Variants in DLG2 observed in about 807,000 individuals in gnomAD.
DLG2 encodes the protein disks large homolog 2.
In DLG2, 45 loss-of-function variants were observed where a neutral mutation model predicts 132.5. The observed-to-expected ratio is 0.34, with a 90% CI of 0.27 to 0.44. The LOEUF (loss-of-function observed/expected upper bound fraction) is 0.44. DLG2 is among the 20% of genes least tolerant of loss of function. The pLI is 1.00. For synonymous variants in DLG2, 424 were observed against 419.6 expected, an observed-to-expected ratio of 1.01 and a Z score of -0.13; for missense variants, 1,045 against 1,196.9, an observed-to-expected ratio of 0.87 and a Z score of 1.87.
At chr11:85,137,624 C>T (rs2076212593) in intron 5 of DLG2, among the ~76,000 whole-genome samples, 1 of 152,116 alleles carries the variant, frequency 6.6e-6, no homozygotes, top group Non-Finnish European at 1.5e-5. Context: ...TCTCTGGGTT[C>T]CTATCTGACA....
At chr11:83,658,681 C>T (rs1018365722) in intron 18 of DLG2, among the ~76,000 whole-genome samples, 1 of 152,214 alleles carries the variant, frequency 6.6e-6, no homozygotes, top group African/African-American at 2.4e-5. Context: ...ACTGCTTGAG[C>T]AATGTAACAA....
At position 84,280,822 on chromosome 11, in the gene DLG2, C is replaced by T. The variant is rs2097846354; in HGVS notation, c.520-29531G>A. ...ACGCCATTCTCCTGCCTCAGCCTCC[C>T]GAGTAGTAGCTGGAACTAGAGGCGC... On this transcript the variant is annotated intron_variant, in intron 7 of 27. Transcript: ENST00000376104. Among the ~76,000 whole-genome samples, 5 of 150,292 alleles carry T rather than the reference C, an allele frequency of 3.3e-5. No homozygotes were observed. The South Asian group carries it at 8.4e-4, about 25-fold the overall frequency.
At chr11:84,575,929 A>C (rs1222645753) in intron 6 of DLG2, among the ~76,000 whole-genome samples, 1 of 152,094 alleles carries the variant, frequency 6.6e-6, no homozygotes, top group East Asian at 1.9e-4. Flanking sequence ...CTCAAGCTTC[A>C]CTCTAATCTA....
chr11:83,850,347 G>C (rs904268061), intron 16 of DLG2, among the ~76,000 whole-genome samples: 1 of 152,044 alleles, frequency 6.6e-6, no homozygotes, highest in Non-Finnish European at 1.5e-5. Context: ...TAGAGATGGG[G>C]TTTCACCGTG....
At chr11:84,141,229 C>T (rs2094830971) in intron 9 of DLG2, among the ~76,000 whole-genome samples, 1 of 151,886 alleles carries the variant, frequency 6.6e-6, no homozygotes, top group Non-Finnish European at 1.5e-5. Context: ...ACCTACCTAC[C>T]TATCCATCCA....
At chr11:85,538,554 A>T (rs1337470608) in intron 3 of DLG2, among the ~76,000 whole-genome samples, 1 of 151,958 alleles carries the variant, frequency 6.6e-6, no homozygotes, top group African/African-American at 2.4e-5. Context: ...TGTCCATTGC[A>T]GCACTTTTCA....
chr11:84,454,134 T>G (rs1207357256), intron 7 of DLG2, among the ~76,000 whole-genome samples: 3 of 151,546 alleles, frequency 2.0e-5, no homozygotes, highest in African/African-American at 7.3e-5. Context: ...GTGTCCCATC[T>G]GCACAGTCTC....
At chr11:85,456,790 T>G (rs1374968574) in intron 3 of DLG2, among the ~76,000 whole-genome samples, 1 of 152,194 alleles carries the variant, frequency 6.6e-6, no homozygotes, top group Non-Finnish European at 1.5e-5. Context: ...GCAATTTTCT[T>G]GGTATTGGTT....
intron 6 of DLG2, among the ~76,000 whole-genome samples, chr11:84,884,556 G>A (rs1262409848): frequency 6.6e-6 from 1 of 152,098 alleles, no homozygotes; most frequent in African/African-American, 2.4e-5. Context: ...ACCATTCAAT[G>A]TAACCTTGAT....
chr11:84,360,209 A>T lies in DLG2; in HGVS notation c.520-108918T>A, dbSNP rs77888245. Among the ~76,000 whole-genome samples, 452 of 151,876 alleles carry T rather than the reference A, an allele frequency of 3.0e-3. 18 individuals are homozygous for T. In the East Asian group the frequency reaches 0.068, roughly 23 times the overall value. ...AATGCCTTATAGCCACATTATCTCA[A>T]TTTTTTTTAAAGAAATCCAATTCTA... On this transcript the variant is annotated intron_variant, in intron 7 of 27. Transcript: ENST00000376104.
At chr11:83,659,727 G>A (rs916564917) in intron 18 of DLG2, among the ~76,000 whole-genome samples, 31 of 152,344 alleles carry the variant, frequency 2.0e-4, no homozygotes, top group African/African-American at 7.0e-4. Context: ...TCTGCCTCCA[G>A]AGCCTGCCCT....
chr11:85,597,908 G>A (rs190132259), intron 3 of DLG2, among the ~76,000 whole-genome samples: 4 of 149,832 alleles, frequency 2.7e-5, no homozygotes, highest in Admixed American at 2.6e-4. Context: ...TGTTTTTTTG[G>A]GAAAAGTATT....
chr11:83,786,659 C>T, intron 18 of DLG2, 31 bp downstream of exon 18: 1 of 1,558,838 alleles, frequency 6.4e-7, no homozygotes, highest in Non-Finnish European at 8.9e-7. Context: ...AGAGACATAT[C>T]AGAACATTAT....
At chr11:85,021,214 T>C in intron 6 of DLG2, 3 of 1,217,534 alleles carry the variant, frequency 2.5e-6, no homozygotes, top group Non-Finnish European at 3.7e-6. Context: ...TGATACACAC[T>C]GACGTTTCGA....
chr11:84,768,926 T>C (rs2068830111), intron 6 of DLG2, among the ~76,000 whole-genome samples: 1 of 151,960 alleles, frequency 6.6e-6, no homozygotes, highest in Non-Finnish European at 1.5e-5. Context: ...GATGTTCCAA[T>C]AAGAAAGAGA....
intron 3 of DLG2, among the ~76,000 whole-genome samples, chr11:85,454,303 G>T (rs1292396543): frequency 6.6e-6 from 1 of 151,780 alleles, no homozygotes; most frequent in Non-Finnish European, 1.5e-5. Flanking sequence ...TACTGATGTT[G>T]AGCATTTCTT....
chr11:85,245,867 T>C (rs941573926), intron 4 of DLG2, among the ~76,000 whole-genome samples: 7 of 151,990 alleles, frequency 4.6e-5, no homozygotes, highest in Non-Finnish European at 1.0e-4. Flanking sequence ...TTTGTTGGAC[T>C]TTTAGATTAG....
intron 3 of DLG2, among the ~76,000 whole-genome samples, chr11:85,558,783 A>G (rs2077064999): frequency 6.6e-6 from 1 of 151,782 alleles, no homozygotes; most frequent in African/African-American, 2.4e-5. Flanking sequence ...GACATTAGAG[A>G]CTACTGTGAG....
chr11:84,840,487 C>T (rs1290569347), intron 6 of DLG2, among the ~76,000 whole-genome samples: 3 of 152,160 alleles, frequency 2.0e-5, no homozygotes, highest in African/African-American at 7.2e-5. Flanking sequence ...GATCCCATTA[C>T]TGGGTATATA....
Sources: allele counts gnomAD v4.1 joint callset (sites outside exome capture counted in the v4.1 genomes callset), GRCh38; gene constraint gnomAD v4.1.1; transcripts MANE v1.5; gene names NCBI Gene and HGNC (gene_info 2026-07-23, HGNC 2026-07-21).